The following NIPBL variants were observed in gnomAD, a reference collection of about 807,000 sequenced individuals.
NIPBL encodes the protein NIPBL cohesin loading factor.
In NIPBL, 19 loss-of-function variants were observed where a neutral mutation model predicts 321.8. That is an observed-to-expected ratio of 0.06 (90% CI 0.04 to 0.09). The LOEUF (loss-of-function observed/expected upper bound fraction) is 0.09, where lower values mean the gene tolerates loss of function less well. Among genes scored for constraint, NIPBL ranks in the 10% least tolerant of loss-of-function variants. The pLI is 1.00. For missense variants in NIPBL, 2,210 were observed against 3,327.0 expected, an observed-to-expected ratio of 0.66 and a Z score of 8.26; for synonymous variants, 1,106 against 1,114.1, an observed-to-expected ratio of 0.99 and a Z score of 0.14.
intron 23 of NIPBL, among the ~76,000 whole-genome samples, chr5:37,016,524 A>G (rs114439828): frequency 5.3e-5 from 8 of 152,170 alleles, no homozygotes; most frequent in Non-Finnish European, 1.0e-4. Flanking sequence ...GAGTATTTCT[A>G]CAAATGTATG....
At chr5:37,008,199 A>C (rs906681734) in intron 19 of NIPBL, 111 bp downstream of exon 19, 4 of 720,362 alleles carry the variant, frequency 5.6e-6, no homozygotes, top group African/African-American at 3.5e-5. Flanking sequence ...CAGTACATTC[A>C]TTTCAATCTA....
At chr5:37,064,228 T>G in intron 46 of NIPBL, 1 of 1,387,236 alleles carries the variant, frequency 7.2e-7, no homozygotes, top group Non-Finnish European at 9.3e-7. Context: ...TGAATTGTAT[T>G]AATGTGTGTT....
intron 1 of NIPBL, among the ~76,000 whole-genome samples, chr5:36,921,618 G>C (rs1403502733): frequency 1.3e-5 from 2 of 152,074 alleles, no homozygotes; most frequent in African/African-American, 4.8e-5. Flanking sequence ...AAAAAAAATA[G>C]GCAGGATTTT....
Position 36,970,801 on chromosome 5 carries a change from T to C in NIPBL, c.611-75T>C, listed in dbSNP as rs576285421. ...CTGTAATTTCTATATGCTTAAAATA[T>C]TTGTGAATAATTACTATTCTCCAAG... is the stretch of plus-strand genomic sequence containing the variant. On this transcript the variant is annotated intron_variant, in intron 6 of 46. Transcript: ENST00000282516. 68 of 1,277,080 alleles carry C rather than the reference T, an allele frequency of 5.3e-5. No homozygotes were observed. In the African/African-American group the frequency reaches 7.0e-4, roughly 13 times the overall value. 79.1% of individuals were successfully genotyped at this position (1,277,080 alleles called of 1,614,324 possible).
chr5:37,014,144 C>T (rs1225838449), intron 21 of NIPBL, among the ~76,000 whole-genome samples: 1 of 152,012 alleles, frequency 6.6e-6, no homozygotes, highest in Non-Finnish European at 1.5e-5. Flanking sequence ...TGCAGTGAGC[C>T]GAGATGGCAG....
chr5:37,044,860 A>G (rs1752811764), intron 36 of NIPBL, 131 bp downstream of exon 36: 2 of 694,068 alleles, frequency 2.9e-6, no homozygotes, highest in African/African-American at 1.8e-5. Flanking sequence ...TGGTCCTCTC[A>G]GAAACAATAT....
intron 1 of NIPBL, among the ~76,000 whole-genome samples, chr5:36,943,607 A>G (rs945164957): frequency 1.3e-5 from 2 of 152,204 alleles, no homozygotes; most frequent in Non-Finnish European, 2.9e-5. Context: ...GTACTAAAGC[A>G]GAGATATTGA....
At position 36,985,334 on chromosome 5, in the gene NIPBL, T is replaced by C; in HGVS notation, c.2154T>C (p.Ser718=). 1 of 1,612,376 alleles carries C rather than the reference T, an allele frequency of 6.2e-7. No individual in the cohort carries two copies. The highest frequency in any genetic ancestry group is 1.7e-5 in the Admixed American group (1 of 59,742). ...ESRPETPKQK[S]DGHPETPKQK... ...GGCCTGAGACTCCAAAACAAAAGAG[T>C]GATGGGCATCCTGAAACCCCAAAAC... is the stretch of plus-strand genomic sequence containing the variant. The change falls in exon 10 of 47, where the codon AGT becomes AGC. Residue 718 remains serine, a synonymous_variant. Transcript: ENST00000282516.
At chr5:36,936,497 G>A (rs1410622857) in intron 1 of NIPBL, among the ~76,000 whole-genome samples, 1 of 152,070 alleles carries the variant, frequency 6.6e-6, no homozygotes, top group East Asian at 1.9e-4. Context: ...ATAACATCTA[G>A]GTTTGTGTAG....
At chr5:36,925,159 A>G (rs1471597282) in intron 1 of NIPBL, among the ~76,000 whole-genome samples, 1 of 152,160 alleles carries the variant, frequency 6.6e-6, no homozygotes, top group Non-Finnish European at 1.5e-5. Flanking sequence ...AAGTGATGCT[A>G]TCTATTAATA....
chr5:37,034,936 A>C (rs926239105), intron 32 of NIPBL, among the ~76,000 whole-genome samples: 7 of 152,226 alleles, frequency 4.6e-5, no homozygotes, highest in Admixed American at 3.9e-4. Flanking sequence ...AAGCCTTGGA[A>C]ATGAAAAAGG....
At chr5:36,897,722 A>G (rs1746864508) in intron 1 of NIPBL, among the ~76,000 whole-genome samples, 2 of 152,320 alleles carry the variant, frequency 1.3e-5, no homozygotes, top group Admixed American at 6.5e-5. Flanking sequence ...CTTTGCCAAT[A>G]GTGAGGCATC....
chr5:36,935,903 C>G (rs922856060), intron 1 of NIPBL, among the ~76,000 whole-genome samples: 2 of 152,090 alleles, frequency 1.3e-5, no homozygotes, highest in Non-Finnish European at 2.9e-5. Flanking sequence ...CTTTGTGTGT[C>G]TGTCTCTTTC....
At chr5:36,980,015 AATGGTGACCTTTTTTTTATGTATC>A (rs1743952908) in intron 9 of NIPBL, among the ~76,000 whole-genome samples, 6 of 151,724 alleles carry the variant, frequency 4.0e-5, no homozygotes, top group African/African-American at 1.4e-4. Flanking sequence ...ACAGAGGAGG[AATGGTGACCTTTTTTTTATGTATC>A]ATGTTTGTTG....
In NIPBL at chr5:36,877,015, A is replaced by C. The variant is rs544681871; in HGVS notation, c.-243A>C. 280 of 369,454 alleles carry C rather than the reference A, an allele frequency of 7.6e-4. 1 individual carries two copies. The highest frequency in any genetic ancestry group is 2.9e-3 in the South Asian group (22 of 7,480). 22.9% of individuals were successfully genotyped at this position (369,454 alleles called of 1,614,324 possible). A position where few individuals can be genotyped will look rare whatever the true frequency, so the allele number is the denominator to read the frequency against. On this transcript the variant is annotated 5_prime_UTR_variant, in exon 1 of 47. Transcript: ENST00000282516. ...GAGAAGGAGGAGGAGGAGGAAGAAG[A>C]AGCAACGATTTGTCTTCTCGGCTGG...
At position 37,063,836 on chromosome 5, in the gene NIPBL, A is replaced by G; in HGVS notation, c.7907A>G (p.Glu2636Gly). ...EHLDPDEEEE[E>G]GEVSASTNAR... ...CTGGACCCTGATGAAGAAGAAGAAG[A>G]AGGGGAGGTTTCAGCTAGCACAAAT... The change falls in exon 46 of 47, where the codon GAA becomes GGA. Residue 2636 changes from glutamate to glycine, a missense_variant. Around this residue, in one of 14 missense-constraint regions of NIPBL, gnomAD observed 159 missense variants for 319.2 expected, o/e 0.50. Transcript: ENST00000282516. 2 of 1,614,036 alleles carry G rather than the reference A, an allele frequency of 1.2e-6. No homozygotes were observed. The highest frequency in any genetic ancestry group is 1.7e-6 in the Non-Finnish European group (2 of 1,179,948).
chr5:37,040,279 ATAAG>A (rs1282973732), intron 34 of NIPBL, among the ~76,000 whole-genome samples: 17 of 152,172 alleles, frequency 1.1e-4, no homozygotes, highest in African/African-American at 4.1e-4. Context: ...TTGTATATAA[ATAAG>A]AGTATCTCAT....
At chr5:36,952,056 G>GCA (rs1561070087) in intron 1 of NIPBL, among the ~76,000 whole-genome samples, 3 of 93,328 alleles carry the variant, frequency 3.2e-5, no homozygotes, top group Non-Finnish European at 7.3e-5. Flanking sequence ...GTGTGTGTGC[G>GCA]CGCGCGCGCG....
At chr5:36,918,740 G>A (rs1349866803) in intron 1 of NIPBL, among the ~76,000 whole-genome samples, 1 of 152,152 alleles carries the variant, frequency 6.6e-6, no homozygotes, top group Non-Finnish European at 1.5e-5. Flanking sequence ...ATGAAGGGCT[G>A]TTGAATTTTG....
Sources: allele counts gnomAD v4.1 joint callset (sites outside exome capture counted in the v4.1 genomes callset), GRCh38; gene constraint gnomAD v4.1.1; regional missense constraint gnomAD v4.1.1; transcripts MANE v1.5; gene names NCBI Gene and HGNC (gene_info 2026-07-23, HGNC 2026-07-21).